Variants in EFNA5 observed in about 807,000 individuals in gnomAD.
The protein encoded by EFNA5 is ephrin-A5.
Under a neutral mutation model 22.9 loss-of-function variants are expected in EFNA5, and 5 were observed. The ratio of observed to expected loss-of-function variants is 0.22; its 90% CI spans 0.11 to 0.46. The LOEUF (loss-of-function observed/expected upper bound fraction) is 0.46, where lower values mean the gene tolerates loss of function less well. Ranked by LOEUF, EFNA5 falls within the 20% of genes least tolerant of loss-of-function variation. EFNA5 has a pLI of 0.99. For missense variants in EFNA5, 237 were observed against 293.3 expected (o/e 0.81, Z 1.40); for synonymous variants, 113 against 112.2 (o/e 1.01, Z -0.04).
chr5:107,611,971 T>A (rs1580559736), intron 1 of EFNA5, among the ~76,000 whole-genome samples: 1 of 152,248 alleles, frequency 6.6e-6, no homozygotes, highest in African/African-American at 2.4e-5. Context: ...TCTGTTCCTA[T>A]CTGCACAATA....
chr5:107,646,054 T>C (rs956945467), intron 1 of EFNA5, among the ~76,000 whole-genome samples: 1 of 152,160 alleles, frequency 6.6e-6, no homozygotes. Context: ...AATAAAAAAT[T>C]GGTTAACTAA....
rs1747305914 is a variant in EFNA5 at position 107,377,748 on chromosome 5, C to T, written c.*3507G>A. On this transcript the variant is annotated 3_prime_UTR_variant, in exon 5 of 5. Transcript: ENST00000333274. ...AGACTCTTCCTGGGAAAAAATAAAA[C>T]AGTCCATGAAAACAATCACAAACAG... is the stretch of plus-strand genomic sequence containing the variant. The T allele has an allele frequency of 6.6e-6, 1 of 152,164 alleles. No individual in the cohort carries two copies. The highest frequency in any genetic ancestry group is 1.9e-4 in the East Asian group (1 of 5,186). The allele number at this position is 152,164 out of a possible 1,614,324, so 9.4% of individuals were successfully genotyped here.
At chr5:107,402,564 C>A (rs1748113208) in intron 2 of EFNA5, among the ~76,000 whole-genome samples, 1 of 152,194 alleles carries the variant, frequency 6.6e-6, no homozygotes, top group South Asian at 2.1e-4. Context: ...AAATCTACAG[C>A]CATCCCTACA....
chr5:107,435,852 G>A (rs1749097501), intron 1 of EFNA5, among the ~76,000 whole-genome samples: 1 of 152,156 alleles, frequency 6.6e-6, no homozygotes. Flanking sequence ...GCACGTGCAT[G>A]TTTTGATAAT....
intron 1 of EFNA5, among the ~76,000 whole-genome samples, chr5:107,639,013 T>C (rs1421429725): frequency 1.3e-5 from 2 of 152,236 alleles, no homozygotes; most frequent in Non-Finnish European, 2.9e-5. Context: ...ATGTGGTGTG[T>C]TGCAGAATAC....
intron 1 of EFNA5, among the ~76,000 whole-genome samples, chr5:107,571,439 A>G (rs888369799): frequency 1.3e-5 from 2 of 151,934 alleles, no homozygotes; most frequent in African/African-American, 4.8e-5. Flanking sequence ...CCAGTCAACA[A>G]GTTCACTGAA....
chr5:107,379,882 A>T lies in EFNA5; in HGVS notation c.*1373T>A, dbSNP rs1316928743. 6.6e-6 allele frequency: 1 copy of T among 152,084 alleles called. No individual in the cohort carries two copies. Among genetic ancestry groups the T allele is most frequent in the Non-Finnish European group, 1.5e-5 (1 of 68,018 alleles). 9.4% of individuals were successfully genotyped at this position (152,084 alleles called of 1,614,324 possible). ...TCTCAGCATAAAGTATATCTAAATAATGTATTTTCTATTCTAGTGGATTTT... is the reference window on the plus strand; with the variant it reads ...TCTCAGCATAAAGTATATCTAAATATTGTATTTTCTATTCTAGTGGATTTT... On this transcript the variant is annotated 3_prime_UTR_variant, in exon 5 of 5. Transcript: ENST00000333274.
At chr5:107,442,884 A>G (rs1237023415) in intron 1 of EFNA5, among the ~76,000 whole-genome samples, 2 of 150,536 alleles carry the variant, frequency 1.3e-5, no homozygotes, top group African/African-American at 2.4e-5. Context: ...CCCCCAAGAC[A>G]GAATTTCTAG....
chr5:107,577,179 A>G (rs901098870), intron 1 of EFNA5, among the ~76,000 whole-genome samples: 7 of 152,200 alleles, frequency 4.6e-5, no homozygotes, highest in Non-Finnish European at 1.0e-4. Context: ...AAATTTCCTC[A>G]GGCCCTGAGG....
chr5:107,660,300 A>C (rs1214572702), intron 1 of EFNA5, among the ~76,000 whole-genome samples: 1 of 110,492 alleles, frequency 9.1e-6, no homozygotes, highest in African/African-American at 3.6e-5. Context: ...ATATATATAT[A>C]TATATATATA....
Position 107,557,351 on chromosome 5 carries a change from T to A in EFNA5, c.125+113138A>T, listed in dbSNP as rs376527175. 1.6e-4 allele frequency among the ~76,000 whole-genome samples: 23 copies of A among 143,914 alleles called. 1 individual carries two copies. The highest frequency in any genetic ancestry group is 1.4e-3 in the East Asian group (7 of 5,054). 94.4% of individuals were successfully genotyped at this position (143,914 alleles called of 152,430 possible). A position where few individuals can be genotyped will look rare whatever the true frequency, so the allele number is the denominator to read the frequency against. ...TACGTGGGAGGTGCTTAGCAAACAT[T>A]TGTTAAATGAGAAGGGGCGAGAGAG... On this transcript the variant is annotated intron_variant, in intron 1 of 4. Transcript: ENST00000333274.
At chr5:107,569,264 T>C (rs961968308) in intron 1 of EFNA5, among the ~76,000 whole-genome samples, 3 of 151,144 alleles carry the variant, frequency 2.0e-5, no homozygotes. Context: ...AAGTAGCATC[T>C]CCAAACACTC....
In EFNA5 at chr5:107,568,447, G is replaced by A. The variant is rs537942566; in HGVS notation, c.125+102042C>T. Among the ~76,000 whole-genome samples, 13 of 152,306 alleles carry A rather than the reference G, an allele frequency of 8.5e-5. No individual in the cohort carries two copies. The South Asian group carries it at 2.7e-3, about 32-fold the overall frequency. On this transcript the variant is annotated intron_variant, in intron 1 of 4. Transcript: ENST00000333274. The stretch of plus-strand genomic sequence containing the variant: ...GAGAGGACATGCCTAGGCAGGTAGT[G>A]GAGGGGAAGCAATGGTGAAATCAGG...
At chr5:107,441,020 T>C (rs1001082315) in intron 1 of EFNA5, among the ~76,000 whole-genome samples, 3 of 151,978 alleles carry the variant, frequency 2.0e-5, no homozygotes, top group African/African-American at 7.2e-5. Context: ...CTTGGATTTT[T>C]TTTTTTTTTC....
At chr5:107,441,435 C>T (rs1220519362) in intron 1 of EFNA5, among the ~76,000 whole-genome samples, 10 of 152,262 alleles carry the variant, frequency 6.6e-5, no homozygotes, top group Admixed American at 6.5e-4. Flanking sequence ...GCAGAAACAC[C>T]TTTTCCTTCC....
At chr5:107,633,792 G>A (rs1580571734) in intron 1 of EFNA5, among the ~76,000 whole-genome samples, 1 of 152,128 alleles carries the variant, frequency 6.6e-6, no homozygotes, top group Non-Finnish European at 1.5e-5. Flanking sequence ...CAAACTGAAT[G>A]AACTGTTCAC....
chr5:107,614,797 T>A (rs1374179408), intron 1 of EFNA5, among the ~76,000 whole-genome samples: 1 of 152,204 alleles, frequency 6.6e-6, no homozygotes, highest in Non-Finnish European at 1.5e-5. Flanking sequence ...CCAAGTCATA[T>A]AATAAACAGA....
intron 1 of EFNA5, among the ~76,000 whole-genome samples, chr5:107,585,193 G>T (rs2112497528): frequency 6.6e-6 from 1 of 152,222 alleles, no homozygotes; most frequent in Admixed American, 6.5e-5. Flanking sequence ...AATATCAATG[G>T]CAATAAGTAG....
Position 107,400,790 on chromosome 5 carries a change from T to C in EFNA5, c.419-13019A>G, listed in dbSNP as rs139920076. ...GAGATCTTCACAGATTGATTTGCTA[T>C]GTTTTTCACTCTCTGTGAATATTAC... On this transcript the variant is annotated intron_variant, in intron 2 of 4. Transcript: ENST00000333274. Among the ~76,000 whole-genome samples, 335 of 152,364 alleles carry C rather than the reference T, an allele frequency of 2.2e-3. 1 individual carries two copies. The highest frequency in any genetic ancestry group is 7.5e-3 in the African/African-American group (310 of 41,602).
Sources: allele counts gnomAD v4.1 joint callset (sites outside exome capture counted in the v4.1 genomes callset), GRCh38; gene constraint gnomAD v4.1.1; transcripts MANE v1.5; gene names NCBI Gene and HGNC (gene_info 2026-07-23, HGNC 2026-07-21).